The following RIMBP2 variants were observed in gnomAD, a reference collection of about 807,000 sequenced individuals.
RIMBP2 encodes the protein RIMS-binding protein 2.
A neutral mutation model predicts 118.6 loss-of-function variants in RIMBP2; 48 were observed. The observed-to-expected ratio is 0.40, with a 90% CI of 0.32 to 0.51. RIMBP2 has a LOEUF of 0.51. RIMBP2 is among the 20% of genes least tolerant of loss of function. The pLI, the probability that RIMBP2 is intolerant of heterozygous loss-of-function variation, is 0.41. For missense variants in RIMBP2, 1,551 were observed against 1,768.3 expected (o/e 0.88, Z 2.20); for synonymous variants, 762 against 742.9 (o/e 1.03, Z -0.42).
At chr12:130,707,441 T>A (rs1949575536) in intron 1 of RIMBP2, among the ~76,000 whole-genome samples, 1 of 151,984 alleles carries the variant, frequency 6.6e-6, no homozygotes, top group Admixed American at 6.6e-5. Context: ...TGGCAGGCAG[T>A]CAGGGAAGGC....
In RIMBP2 at chr12:130,411,422, C is replaced by T. The variant is rs7963763; in HGVS notation, c.3589+1197G>A. ...GAGTGGTGAGGGCCGACATCCTTGTCTGTGCCTGGTATTAGGAGGATCACA... is the reference window on the plus strand; with the variant it reads ...GAGTGGTGAGGGCCGACATCCTTGTTTGTGCCTGGTATTAGGAGGATCACA... On this transcript the variant is annotated intron_variant, in intron 19 of 22. Transcript: ENST00000690449. Among the ~76,000 whole-genome samples the T allele has an allele frequency of 2.2e-3, 333 of 152,292 alleles. 1 individual carries two copies. The highest frequency in any genetic ancestry group is 3.0e-3 in the Non-Finnish European group (207 of 68,026).
intron 1 of RIMBP2, among the ~76,000 whole-genome samples, chr12:130,698,559 C>T (rs1409184841): frequency 6.6e-6 from 1 of 152,148 alleles, no homozygotes; most frequent in Non-Finnish European, 1.5e-5. Flanking sequence ...AGTTCAAGAC[C>T]AGCCTGGCCA....
chr12:130,421,894 CAA>C (rs2076437979), intron 17 of RIMBP2, among the ~76,000 whole-genome samples: 1 of 152,130 alleles, frequency 6.6e-6, no homozygotes, highest in South Asian at 2.1e-4. Flanking sequence ...GGCTGAATTC[CAA>C]AAAGTCAGGA....
chr12:130,625,522 G>A (rs572366414), intron 2 of RIMBP2, among the ~76,000 whole-genome samples: 6 of 125,704 alleles, frequency 4.8e-5, no homozygotes, highest in South Asian at 5.5e-4. Context: ...TCAGACTCAC[G>A]AACTAGGCCC....
In RIMBP2 at chr12:130,581,924, C is replaced by G. The variant is rs2058506083; in HGVS notation, c.-217+46398G>C. 6.6e-6 allele frequency among the ~76,000 whole-genome samples: 1 copy of G among 152,070 alleles called. No individual in the cohort carries two copies. The highest frequency in any genetic ancestry group is 2.1e-4 in the South Asian group (1 of 4,834). On this transcript the variant is annotated intron_variant, in intron 2 of 22. Transcript: ENST00000690449. The surrounding 1 kb of genome is among the most constrained non-coding windows in gnomAD (Gnocchi z 4.4). ...GCCCGAAAGGCTCTGCATGACCTGG[C>G]CTCTCCTCCCTCCCTGGCTCAGTCA...
intron 4 of RIMBP2, among the ~76,000 whole-genome samples, chr12:130,486,291 C>G (rs1199295187): frequency 2.6e-5 from 4 of 152,102 alleles, no homozygotes. Context: ...TGGACTCTGG[C>G]CCCCGTGGGG....
chr12:130,640,153 G>A (rs2062553086), intron 1 of RIMBP2, among the ~76,000 whole-genome samples: 1 of 152,132 alleles, frequency 6.6e-6, no homozygotes, highest in Non-Finnish European at 1.5e-5. Flanking sequence ...GGAAGATGGG[G>A]AACAAACACA....
chr12:130,441,255 G>C (rs1677891053), intron 11 of RIMBP2, among the ~76,000 whole-genome samples: 1 of 151,870 alleles, frequency 6.6e-6, no homozygotes, highest in African/African-American at 2.4e-5. Flanking sequence ...ACAAAAATTA[G>C]CCGAGCGTGG....
intron 1 of RIMBP2, among the ~76,000 whole-genome samples, chr12:130,680,823 G>A (rs2064748110): frequency 6.6e-6 from 1 of 152,256 alleles, no homozygotes; most frequent in Non-Finnish European, 1.5e-5. Context: ...CCTGGGCTCA[G>A]AGGAGATCGG....
intron 7 of RIMBP2, among the ~76,000 whole-genome samples, chr12:130,455,866 C>T (rs1368282734): frequency 3.3e-5 from 5 of 152,042 alleles, no homozygotes; most frequent in African/African-American, 9.7e-5. Context: ...GCACCTCCAC[C>T]GAGGTCTGAT....
intron 7 of RIMBP2, among the ~76,000 whole-genome samples, chr12:130,455,684 G>C (rs558061918): frequency 1.6e-4 from 24 of 152,318 alleles, no homozygotes; most frequent in African/African-American, 5.3e-4. Flanking sequence ...TATATATTCT[G>C]ATAAGAACTA....
chr12:130,439,504 TGTGG>T (rs898702504), intron 11 of RIMBP2, among the ~76,000 whole-genome samples: 7 of 148,642 alleles, frequency 4.7e-5, no homozygotes, highest in African/African-American at 1.7e-4. Context: ...TGTGCGTGTC[TGTGG>T]GTGGGTATGT....
In RIMBP2 at chr12:130,703,703, G is replaced by A. The variant is rs147966728; in HGVS notation, c.-352+12519C>T. Among the ~76,000 whole-genome samples the A allele has an allele frequency of 6.9e-3, 1,052 of 152,354 alleles. 15 individuals carry two copies. Among genetic ancestry groups the A allele is most frequent in the African/African-American group, 0.024 (1,001 of 41,584 alleles). On this transcript the variant is annotated intron_variant, in intron 1 of 22. Transcript: ENST00000690449. This position sits in a 1 kb window ranked among gnomAD's most constrained non-coding sequence, Gnocchi z 5.7. ...CCCTGGGGTCGGGTGGCTTCTCCACGTCTTAAATAAGATTCAGTTGTCATG... is the reference window on the plus strand; with the variant it reads ...CCCTGGGGTCGGGTGGCTTCTCCACATCTTAAATAAGATTCAGTTGTCATG...
intron 6 of RIMBP2, among the ~76,000 whole-genome samples, chr12:130,468,081 CT>C (rs1394527135): frequency 6.6e-6 from 1 of 152,176 alleles, no homozygotes; most frequent in Non-Finnish European, 1.5e-5. Context: ...ACACAAACAC[CT>C]AGACATGAAA....
chr12:130,533,165 T>G (rs113029117), intron 2 of RIMBP2, among the ~76,000 whole-genome samples: 11,765 of 144,810 alleles, frequency 0.081, 525 homozygotes, highest in South Asian at 0.16. Flanking sequence ...CCTCTAGGAG[T>G]TACGTCTAAT....
chr12:130,460,987 ACCT>A (rs1485787858), intron 6 of RIMBP2, among the ~76,000 whole-genome samples: 1 of 151,666 alleles, frequency 6.6e-6, no homozygotes, highest in African/African-American at 2.4e-5. Context: ...CCCAGCTGTC[ACCT>A]CCTCCCGGAG....
chr12:130,412,923 A>G, intron 18 of RIMBP2, 136 bp from the exon 19 acceptor site: 2 of 831,964 alleles, frequency 2.4e-6, no homozygotes, highest in South Asian at 4.1e-5. Flanking sequence ...TCACCTGCAT[A>G]GGTCACCCAC....
intron 7 of RIMBP2, among the ~76,000 whole-genome samples, chr12:130,452,219 A>G (rs1400237751): frequency 6.6e-6 from 1 of 152,140 alleles, no homozygotes; most frequent in East Asian, 1.9e-4. Flanking sequence ...ACATCATGAC[A>G]GTCACCTCAC....
chr12:130,604,586 C>CTTTTTTT (rs71088767), intron 2 of RIMBP2, among the ~76,000 whole-genome samples: 1 of 56,732 alleles, frequency 1.8e-5, no homozygotes, highest in South Asian at 1.1e-3. Flanking sequence ...CCTTTTCTTT[C>CTTTTTTT]TTTTTTTTTT....
Sources: gnomAD v4.1 joint callset for allele counts (sites outside exome capture counted in the v4.1 genomes callset) on GRCh38, gnomAD v4.1.1 for gene constraint, Gnocchi (gnomAD v3.1) non-coding constraint, MANE v1.5 for transcripts, NCBI Gene and HGNC (gene_info 2026-07-23, HGNC 2026-07-21) for gene names.